Variants in SLC24A2 observed in about 807,000 individuals in gnomAD.
SLC24A2 encodes sodium/potassium/calcium exchanger 2.
In SLC24A2, 36 loss-of-function variants were observed where a neutral mutation model predicts 62.0. The observed-to-expected ratio is 0.58, with a 90% CI of 0.44 to 0.77. The LOEUF is 0.77. Among genes scored for constraint, SLC24A2 ranks in the 30% least tolerant of loss-of-function variants. SLC24A2 has a pLI of 0.00. For synonymous variants in SLC24A2, 358 were observed against 294.0 expected, an observed-to-expected ratio of 1.22 and a Z score of -2.23; for missense variants, 846 against 817.9, an observed-to-expected ratio of 1.03 and a Z score of -0.42.
chr9:20,282,362 T>C, the SLC24A2 span, among the ~76,000 whole-genome samples: 1 of 152,194 alleles, frequency 6.6e-6, no homozygotes, highest in Admixed American at 6.5e-5. Context: ...TTTTTCTAAT[T>C]TCAAAAATTT....
At chr9:20,054,315 C>T in the SLC24A2 span, among the ~76,000 whole-genome samples, 3 of 152,072 alleles carry the variant, frequency 2.0e-5, no homozygotes, top group Non-Finnish European at 4.4e-5. Flanking sequence ...TCTCAGCCTC[C>T]CAAGTAGCTG....
At chr9:19,890,218 CCA>C in the SLC24A2 span, among the ~76,000 whole-genome samples, 1,322 of 152,320 alleles carry the variant, frequency 8.7e-3, 23 homozygotes, top group African/African-American at 0.03. Flanking sequence ...AAGAGGGAAG[CCA>C]CAGTCTTCTC....
At chr9:20,253,144 C>A in the SLC24A2 span, among the ~76,000 whole-genome samples, 7 of 152,234 alleles carry the variant, frequency 4.6e-5, no homozygotes, top group African/African-American at 1.7e-4. Context: ...TAGTTAGGAG[C>A]CTGGTCTCTT....
intron 2 of SLC24A2, among the ~76,000 whole-genome samples, chr9:19,726,759 G>A (rs948439595): frequency 1.3e-5 from 2 of 152,138 alleles, no homozygotes; most frequent in African/African-American, 4.8e-5. Context: ...TTTACCAACT[G>A]TTCTATAGAA....
chr9:19,964,774 C>A, the SLC24A2 span, among the ~76,000 whole-genome samples: 2 of 152,352 alleles, frequency 1.3e-5, no homozygotes, highest in African/African-American at 4.8e-5. Context: ...GAAGCAGCAG[C>A]TGGCCTGCCA....
At chr9:20,191,603 T>C in the SLC24A2 span, among the ~76,000 whole-genome samples, 1 of 151,498 alleles carries the variant, frequency 6.6e-6, no homozygotes, top group Admixed American at 6.6e-5. Flanking sequence ...AATTATCATA[T>C]GGATCCACCA....
chr9:19,545,444 C>G (rs905193351), intron 8 of SLC24A2, among the ~76,000 whole-genome samples: 1 of 152,050 alleles, frequency 6.6e-6, no homozygotes, highest in African/African-American at 2.4e-5. Flanking sequence ...TCATGAAACT[C>G]ATTCTCCATC....
the SLC24A2 span, among the ~76,000 whole-genome samples, chr9:19,816,767 A>G: frequency 0.86 from 130,462 of 151,800 alleles, 56,846 homozygotes; most frequent in Non-Finnish European, 0.94. Context: ...ACCAGATCTC[A>G]TGAGAACTCA....
intron 2 of SLC24A2, among the ~76,000 whole-genome samples, chr9:19,769,033 C>T (rs559989537): frequency 3.8e-4 from 58 of 152,276 alleles, no homozygotes; most frequent in African/African-American, 1.4e-3. Flanking sequence ...GTCTGAATTC[C>T]AGACTCATAC....
chr9:20,110,623 G>A, the SLC24A2 span, among the ~76,000 whole-genome samples: 3 of 152,096 alleles, frequency 2.0e-5, no homozygotes, highest in East Asian at 5.8e-4. Flanking sequence ...TAAAAGTGTG[G>A]CTAAAAAGTA....
intron 8 of SLC24A2, among the ~76,000 whole-genome samples, chr9:19,532,803 T>C (rs865869567): frequency 3.9e-5 from 6 of 152,198 alleles, no homozygotes; most frequent in Non-Finnish European, 8.8e-5. Context: ...ATAATAGAAA[T>C]TGCAAACATC....
intron 2 of SLC24A2, among the ~76,000 whole-genome samples, chr9:19,634,001 C>G (rs1818245519): frequency 6.6e-6 from 1 of 152,134 alleles, no homozygotes; most frequent in Admixed American, 6.5e-5. Flanking sequence ...GGTAGCAAGT[C>G]TAAGAATTCC....
At chr9:19,969,183 CCACACACACACA>C in the SLC24A2 span, among the ~76,000 whole-genome samples, 76 of 122,270 alleles carry the variant, frequency 6.2e-4, no homozygotes, top group African/African-American at 1.3e-3. Context: ...ACCTCCTTTG[CCACACACACACA>C]CACACACACA....
In SLC24A2 at chr9:19,509,034, T is replaced by C. The variant is rs1293222101; in HGVS notation, c.*7119A>G. 1 of 152,210 alleles carries C rather than the reference T, an allele frequency of 6.6e-6. No individual in the cohort carries two copies. Among genetic ancestry groups the C allele is most frequent in the Non-Finnish European group, 1.5e-5 (1 of 68,024 alleles). 9.4% of individuals were successfully genotyped at this position (152,210 alleles called of 1,614,324 possible). On this transcript the variant is annotated 3_prime_UTR_variant, in exon 11 of 11. Coordinates refer to ENST00000341998, the MANE Select transcript of SLC24A2 (RefSeq NM_020344.4). The stretch of plus-strand genomic sequence containing the variant: ...ATTATTGATAAATTGTATACCTCTA[T>C]TTCCCATTTTTATAAGGGAACTTCT...
the SLC24A2 span, among the ~76,000 whole-genome samples, chr9:20,040,174 C>T: frequency 6.6e-6 from 1 of 152,196 alleles, no homozygotes; most frequent in Non-Finnish European, 1.5e-5. Flanking sequence ...CACTTACCAT[C>T]TTGAATCTAA....
chr9:20,268,384 G>T, the SLC24A2 span, among the ~76,000 whole-genome samples: 3 of 152,152 alleles, frequency 2.0e-5, no homozygotes, highest in African/African-American at 7.2e-5. Flanking sequence ...GCCTTTAAGA[G>T]GTGATTGAGT....
At chr9:20,246,570 T>C in the SLC24A2 span, among the ~76,000 whole-genome samples, 3 of 152,212 alleles carry the variant, frequency 2.0e-5, no homozygotes, top group South Asian at 4.1e-4. Context: ...TTTGTGTTGA[T>C]AGAATTTAAT....
the SLC24A2 span, among the ~76,000 whole-genome samples, chr9:19,986,172 A>C: frequency 6.6e-6 from 1 of 152,182 alleles, no homozygotes; most frequent in Non-Finnish European, 1.5e-5. Flanking sequence ...CAATAAGCGC[A>C]TGAAAAGATG....
the SLC24A2 span, among the ~76,000 whole-genome samples, chr9:19,812,096 G>T: frequency 6.6e-6 from 1 of 151,868 alleles, no homozygotes; most frequent in African/African-American, 2.4e-5. Context: ...TCTCATTATT[G>T]TCTGGCTTTC....
Sources: allele counts gnomAD v4.1 joint callset (sites outside exome capture counted in the v4.1 genomes callset), GRCh38; gene constraint gnomAD v4.1.1; transcripts MANE v1.5; gene names NCBI Gene and HGNC (gene_info 2026-07-23, HGNC 2026-07-21).